Variants in BRAF observed in about 807,000 individuals in gnomAD.
BRAF encodes serine/threonine-protein kinase B-raf.
In BRAF, 16 loss-of-function variants were observed where a neutral mutation model predicts 104.6. That is an observed-to-expected ratio of 0.15 (90% CI 0.10 to 0.23). BRAF has a LOEUF of 0.23. Among genes scored for constraint, BRAF ranks in the 10% least tolerant of loss-of-function variants. BRAF has a pLI of 1.00. For synonymous variants in BRAF, 310 were observed against 341.6 expected, an observed-to-expected ratio of 0.91 and a Z score of 1.02; for missense variants, 541 against 937.3, an observed-to-expected ratio of 0.58 and a Z score of 5.52.
chr7:140,726,407 T>C lies in BRAF; in HGVS notation c.*87A>G. ...GAAATTTTGTATCTTTAAAAAAAGA[T>C]TTGAGGAACAGAACTGTGTTTTGAT... is the stretch of plus-strand genomic sequence containing the variant. On this transcript the variant is annotated 3_prime_UTR_variant, in exon 20 of 20. Transcript: ENST00000644969. 1 of 1,510,334 alleles carries C rather than the reference T, an allele frequency of 6.6e-7. No individual in the cohort carries two copies. Among genetic ancestry groups the C allele is most frequent in the South Asian group, 1.3e-5 (1 of 78,922 alleles). 93.6% of individuals were successfully genotyped at this position (1,510,334 alleles called of 1,614,324 possible). A position where few individuals can be genotyped will look rare whatever the true frequency, so the allele number is the denominator to read the frequency against.
chr7:140,751,360 A>C (rs1797773234), intron 16 of BRAF, among the ~76,000 whole-genome samples: 1 of 152,328 alleles, frequency 6.6e-6, no homozygotes, highest in African/African-American at 2.4e-5. Flanking sequence ...TTGCAATTTC[A>C]GCACTTAAAA....
chr7:140,887,880 A>ATT (rs543315481), intron 1 of BRAF, among the ~76,000 whole-genome samples: 19 of 140,954 alleles, frequency 1.3e-4, no homozygotes, highest in Admixed American at 2.8e-4. Flanking sequence ...TGCTCGTTTA[A>ATT]TTTTTTTTTT....
At chr7:140,854,008 C>T (rs559021918) in intron 1 of BRAF, among the ~76,000 whole-genome samples, 5 of 151,972 alleles carry the variant, frequency 3.3e-5, no homozygotes, top group East Asian at 1.9e-4. Flanking sequence ...ACAGGGTCTC[C>T]GTCTCCCAGG....
intron 16 of BRAF, among the ~76,000 whole-genome samples, chr7:140,749,876 A>C (rs1797649867): frequency 6.6e-6 from 1 of 152,212 alleles, no homozygotes; most frequent in African/African-American, 2.4e-5. Context: ...TTCTCATCTG[A>C]GGACACCTTA....
In BRAF at chr7:140,923,726, TAAC is replaced by T. The variant is rs143786335; in HGVS notation, c.138+837_138+839del. 5.6e-3 allele frequency among the ~76,000 whole-genome samples: 857 copies of T among 152,234 alleles called. 8 individuals are homozygous for T. The highest frequency in any genetic ancestry group is 0.02 in the African/African-American group (815 of 41,534). On this transcript the variant is annotated intron_variant, in intron 1 of 19. Transcript: ENST00000644969. ...AAGTGTCCAGGAGGATTTGTGAAGATAACAACAGACAACAATGTTAGGGAGTGG... is the reference window on the plus strand; with the variant it reads ...AAGTGTCCAGGAGGATTTGTGAAGATAACAGACAACAATGTTAGGGAGTGG...
At chr7:140,781,401 A>G (rs575320417) in intron 12 of BRAF, 175 bp downstream of exon 11, 9 of 667,576 alleles carry the variant, frequency 1.3e-5, no homozygotes, top group South Asian at 1.0e-4. Context: ...TGCTGTGAAC[A>G]GTTTTTATTT....
intron 7 of BRAF, among the ~76,000 whole-genome samples, chr7:140,798,325 T>A (rs564903223): frequency 2.7e-4 from 35 of 127,694 alleles, no homozygotes; most frequent in African/African-American, 1.1e-3. Context: ...TGCAGTGACG[T>A]GATCTCGGCC....
chr7:140,733,554 C>T (rs1380225472), intron 19 of BRAF: 4 of 152,168 alleles, frequency 2.6e-5, no homozygotes, highest in African/African-American at 9.7e-5. Context: ...ACAAATACTT[C>T]ATACCATTGA....
chr7:140,807,617 C>T (rs1650147765), intron 5 of BRAF, among the ~76,000 whole-genome samples: 1 of 152,024 alleles, frequency 6.6e-6, no homozygotes, highest in Admixed American at 6.5e-5. Flanking sequence ...CGTTTGTGTA[C>T]ACAGAAAAAA....
chr7:140,909,923 A>T (rs929437135), intron 1 of BRAF, among the ~76,000 whole-genome samples: 6 of 151,988 alleles, frequency 3.9e-5, no homozygotes, highest in African/African-American at 1.5e-4. Flanking sequence ...TTTAACCTAC[A>T]TCATCAAAGT....
At chr7:140,800,156 G>T in intron 7 of BRAF, 3 of 769,138 alleles carry the variant, frequency 3.9e-6, no homozygotes, top group Non-Finnish European at 6.1e-6. Flanking sequence ...ATTTTTTCAG[G>T]ACTGATTCTG....
In BRAF at chr7:140,924,091, G is replaced by A. The variant is rs1818570935; in HGVS notation, c.138+475C>T. On this transcript the variant is annotated intron_variant, in intron 1 of 19. Coordinates refer to ENST00000644969, the MANE Select transcript of BRAF (RefSeq NM_001374258.1). This position sits in a 1 kb window ranked among gnomAD's most constrained non-coding sequence, Gnocchi z 4.2. ...CTGAGAAGGGGGGCAGTCCGGGAGA[G>A]GAGAGAGGAAATGATGAGCCCCATC... Among the ~76,000 whole-genome samples the A allele has an allele frequency of 6.6e-6, 1 of 152,138 alleles. No homozygotes were observed. Among genetic ancestry groups the A allele is most frequent in the Non-Finnish European group, 1.5e-5 (1 of 68,018 alleles).
At position 140,909,451 on chromosome 7, in the gene BRAF, A is replaced by T. The variant is rs1352467955; in HGVS notation, c.138+15115T>A. Among the ~76,000 whole-genome samples the T allele has an allele frequency of 3.9e-5, 6 of 152,172 alleles. No homozygotes were observed. In the East Asian group the frequency reaches 1.2e-3, roughly 29 times the overall value. Reference sequence around the variant, plus strand: ...AAAATAAAAAATAAATGTAATTCAGAGATAATCTACCTTAGTGCAATTTTA... The same window carrying T: ...AAAATAAAAAATAAATGTAATTCAGTGATAATCTACCTTAGTGCAATTTTA... On this transcript the variant is annotated intron_variant, in intron 1 of 19. Coordinates refer to ENST00000644969, the MANE Select transcript of BRAF (RefSeq NM_001374258.1).
rs1795244451 is a variant in BRAF at position 140,719,980 on chromosome 7, G to C, written c.*6514C>G. 3 of 1,062,630 alleles carry C rather than the reference G, an allele frequency of 2.8e-6. No individual in the cohort carries two copies. The East Asian group carries it at 1.5e-4, about 54-fold the overall frequency. 65.8% of individuals were successfully genotyped at this position (1,062,630 alleles called of 1,614,324 possible). A position where few individuals can be genotyped will look rare whatever the true frequency, so the allele number is the denominator to read the frequency against. On this transcript the variant is annotated 3_prime_UTR_variant, in exon 20 of 20. Transcript: ENST00000644969. ...GAATTCACTGCAGTTCAAACAGGAA[G>C]CATCTCCCTTTCCTCTCCCTTACAG...
chr7:140,755,289 A>C (rs998150361), intron 14 of BRAF, among the ~76,000 whole-genome samples: 2 of 152,218 alleles, frequency 1.3e-5, no homozygotes, highest in African/African-American at 4.8e-5. Flanking sequence ...TACCGGAGAG[A>C]ATAGCTATAT....
downstream of BRAF, among the ~76,000 whole-genome samples, chr7:140,718,451 T>C (rs983296282): frequency 6.6e-6 from 1 of 152,248 alleles, no homozygotes; most frequent in Non-Finnish European, 1.5e-5. Context: ...GGTTTCTCCA[T>C]GTTGGTCAGG....
At chr7:140,835,663 T>C (rs1020242068) in intron 2 of BRAF, 1 of 152,032 alleles carries the variant, frequency 6.6e-6, no homozygotes, top group African/African-American at 2.4e-5. Context: ...CAGAGTATCT[T>C]CCTAGAAGTT....
Position 140,724,625 on chromosome 7 carries a change from G to T in BRAF, c.*1869C>A. 1.9e-6 allele frequency: 2 copies of T among 1,036,860 alleles called. No individual in the cohort carries two copies. Among genetic ancestry groups the T allele is most frequent in the Non-Finnish European group, 2.3e-6 (2 of 861,132 alleles). 64.2% of individuals were successfully genotyped at this position (1,036,860 alleles called of 1,614,324 possible). ...TCAATAGGCTTTCTTCTGAATACATGTATGTTAGCAAAAATCTAATGGTAG... is the reference window on the plus strand; with the variant it reads ...TCAATAGGCTTTCTTCTGAATACATTTATGTTAGCAAAAATCTAATGGTAG... On this transcript the variant is annotated 3_prime_UTR_variant, in exon 20 of 20. Coordinates refer to ENST00000644969, the MANE Select transcript of BRAF (RefSeq NM_001374258.1).
At position 140,722,092 on chromosome 7, in the gene BRAF, A is replaced by G. The variant is rs1795351208; in HGVS notation, c.*4402T>C. On this transcript the variant is annotated 3_prime_UTR_variant, in exon 20 of 20. Coordinates refer to ENST00000644969, the MANE Select transcript of BRAF (RefSeq NM_001374258.1). ...TTTCTGTCAACATTTCTGTTGTATA[A>G]AAGTTCCATGCTTTGAAGAGCCTAT... The G allele has an allele frequency of 9.2e-7, 1 of 1,082,870 alleles. No homozygotes were observed. The highest frequency in any genetic ancestry group is 5.2e-5 in the Admixed American group (1 of 19,194). 67.1% of individuals were successfully genotyped at this position (1,082,870 alleles called of 1,614,324 possible).
Sources: gnomAD v4.1 joint callset for allele counts (sites outside exome capture counted in the v4.1 genomes callset) on GRCh38, gnomAD v4.1.1 for gene constraint, Gnocchi (gnomAD v3.1) non-coding constraint, MANE v1.5 for transcripts, NCBI Gene and HGNC (gene_info 2026-07-23, HGNC 2026-07-21) for gene names.